OS9: variants seen among roughly 807,000 people sequenced by gnomAD.
OS9 encodes OS9 endoplasmic reticulum lectin.
In OS9, 58 loss-of-function variants were observed where a neutral mutation model predicts 84.7. The observed-to-expected ratio is 0.68, with a 90% CI of 0.55 to 0.85. The LOEUF (loss-of-function observed/expected upper bound fraction) is 0.85. Among genes scored for constraint, OS9 ranks in the 40% least tolerant of loss-of-function variants. OS9 has a pLI of 0.00. For missense variants in OS9, 760 were observed against 850.9 expected (o/e 0.89, Z 1.33); for synonymous variants, 278 against 320.8 (o/e 0.87, Z 1.43).
At chr12:57,717,815 A>G in intron 9 of OS9, 55 bp from the exon 10 acceptor site, 2 of 1,015,668 alleles carry the variant, frequency 2.0e-6, no homozygotes, top group East Asian at 2.8e-5. Context: ...AAAAAAAAAA[A>G]AAAAGAATTT....
At chr12:57,701,942 G>A (rs1189373017) in intron 5 of OS9, among the ~76,000 whole-genome samples, 5 of 151,882 alleles carry the variant, frequency 3.3e-5, no homozygotes, top group Admixed American at 1.3e-4. Flanking sequence ...GACTACAGGC[G>A]CCTGCCACCA....
At chr12:57,715,099 C>T (rs1278508222) in intron 5 of OS9, among the ~76,000 whole-genome samples, 1 of 152,114 alleles carries the variant, frequency 6.6e-6, no homozygotes, top group Non-Finnish European at 1.5e-5. Flanking sequence ...CCTTGTGGCT[C>T]ATGCCTGTAA....
intron 11 of OS9, among the ~76,000 whole-genome samples, 168 bp downstream of exon 11, chr12:57,718,589 G>A (rs1954582147): frequency 1.3e-5 from 2 of 152,174 alleles, no homozygotes; most frequent in Admixed American, 1.3e-4. Flanking sequence ...AGGGGGACCA[G>A]AGAGAGGGAC....
chr12:57,694,554 C>T lies in OS9; in HGVS notation c.163-196C>T, dbSNP rs543423434. Among the ~76,000 whole-genome samples, 21 of 152,212 alleles carry T rather than the reference C, an allele frequency of 1.4e-4. No homozygotes were observed. The East Asian group carries it at 4.1e-3, about 29-fold the overall frequency. ...CAACCTTCAGGTCTCAGTTTATGAT[C>T]GAAACACCCGGACTCCGCCCCCGTG... On this transcript the variant is annotated intron_variant, in intron 1 of 14. Coordinates refer to ENST00000315970, the MANE Select transcript of OS9 (RefSeq NM_006812.4).
rs532016389 is a variant in OS9, at chr12:57,718,052, C to T, written c.1134+94C>T. On this transcript the variant is annotated intron_variant, in intron 10 of 14. Transcript: ENST00000315970. Reference sequence around the variant, plus strand: ...ACCTGGGACTCAACTCCTGGGTCCCCCAGTACCACACACCTGCTACTGTTT... The same window carrying T: ...ACCTGGGACTCAACTCCTGGGTCCCTCAGTACCACACACCTGCTACTGTTT... 4 of 1,512,458 alleles carry T rather than the reference C, an allele frequency of 2.6e-6. No homozygotes were observed. In the East Asian group the frequency reaches 9.1e-5, roughly 34 times the overall value. The allele number at this position is 1,512,458 out of a possible 1,614,324, so 93.7% of individuals were successfully genotyped here.
At chr12:57,706,663 T>C (rs1156556740) in intron 5 of OS9, among the ~76,000 whole-genome samples, 6 of 151,796 alleles carry the variant, frequency 4.0e-5, no homozygotes, top group Non-Finnish European at 1.5e-5. Flanking sequence ...CTGAGCAACA[T>C]AGTGAGACTC....
Position 57,694,724 on chromosome 12 carries a change from C to T in OS9, c.163-26C>T, listed in dbSNP as rs375859402. 6 of 1,610,594 alleles carry T rather than the reference C, an allele frequency of 3.7e-6. No homozygotes were observed. In the African/African-American group the frequency reaches 4.0e-5, roughly 11 times the overall value. On this transcript the variant is annotated intron_variant, in intron 1 of 14. Transcript: ENST00000315970. ...ATCCCAGCCTTTCTTTGCTTCCTTG[C>T]CCCCCGACCCTCCCTTCTTTCCCAG...
At position 57,716,086 on chromosome 12, in the gene OS9, C is replaced by T. The variant is rs771844347; in HGVS notation, c.791-6C>T. ...CCTGGCCTGCTTGCATGCTGTTTCTCAGTAGACTCAAAGCAGTATGGAGAT... is the reference window on the plus strand; with the variant it reads ...CCTGGCCTGCTTGCATGCTGTTTCTTAGTAGACTCAAAGCAGTATGGAGAT... On this transcript the variant is annotated splice_polypyrimidine_tract_variant and splice_region_variant and intron_variant, in intron 6 of 14. Coordinates refer to ENST00000315970, the MANE Select transcript of OS9 (RefSeq NM_006812.4). 3.7e-6 allele frequency: 6 copies of T among 1,611,882 alleles called. No individual in the cohort carries two copies. The highest frequency in any genetic ancestry group is 3.4e-6 in the Non-Finnish European group (4 of 1,178,112).
chr12:57,709,787 CTT>C (rs1954274317), intron 5 of OS9, among the ~76,000 whole-genome samples: 1 of 151,128 alleles, frequency 6.6e-6, no homozygotes, highest in Non-Finnish European at 1.5e-5. Flanking sequence ...GTTGCACCAA[CTT>C]TGCATTCCTG....
In OS9 at chr12:57,715,903, G is replaced by T; in HGVS notation, c.723G>T (p.Pro241=). ...TCCGGCCCCCACCCAGTGCTGCACC[G>T]CAGGCCATCCTCTGTCACCCTTCCC... The part of the protein sequence containing the change: ...PLLRPPPSAA[P]QAILCHPSLQ... The change falls in exon 6 of 15, where the codon CCG becomes CCT. Residue 241 remains proline (P), a synonymous_variant. Transcript: ENST00000315970. The T allele has an allele frequency of 6.2e-7, 1 of 1,613,138 alleles. No individual in the cohort carries two copies. Among genetic ancestry groups the T allele is most frequent in the Non-Finnish European group, 8.5e-7 (1 of 1,179,592 alleles).
intron 5 of OS9, among the ~76,000 whole-genome samples, chr12:57,709,501 CT>C (rs943183162): frequency 2.0e-5 from 3 of 152,082 alleles, no homozygotes; most frequent in African/African-American, 7.2e-5. Context: ...GTCAGTGATT[CT>C]TTTGGTGATT....
chr12:57,715,711 G>C (rs768456278), intron 5 of OS9, 49 bp from the exon 6 acceptor site: 1 of 1,390,590 alleles, frequency 7.2e-7, no homozygotes, highest in Non-Finnish European at 1.0e-6. Flanking sequence ...AATAACTAAA[G>C]CAAATTATTG....
chr12:57,694,391 G>A, intron 1 of OS9, 68 bp downstream of exon 1: 2 of 1,535,450 alleles, frequency 1.3e-6, no homozygotes, highest in Non-Finnish European at 1.8e-6. Flanking sequence ...AGGAAGAAGG[G>A]CAGCTCCGGA....
chr12:57,697,903 AAG>A lies in OS9; in HGVS notation c.579+1531_579+1532del, dbSNP rs1445711679. 5.9e-3 allele frequency among the ~76,000 whole-genome samples: 308 copies of A among 52,236 alleles called. 8 individuals are homozygous for A. The highest frequency in any genetic ancestry group is 0.011 in the Middle Eastern group (1 of 90). The allele number at this position is 52,236 out of a possible 152,430, so 34.3% of individuals were successfully genotyped here. A position where few individuals can be genotyped will look rare whatever the true frequency, so the allele number is the denominator to read the frequency against. ...CACACACACACACGGAACCTAACAT[AAG>A]CAAACACACACACACACATACACAC... On this transcript the variant is annotated intron_variant, in intron 5 of 14. Transcript: ENST00000315970.
At chr12:57,709,992 A>T (rs1954281517) in intron 5 of OS9, among the ~76,000 whole-genome samples, 1 of 152,102 alleles carries the variant, frequency 6.6e-6, no homozygotes, top group Admixed American at 6.5e-5. Context: ...AGCTGGAATT[A>T]TAGGCGTGTG....
In OS9 at chr12:57,694,786, T is replaced by C. The variant is rs1266251155; in HGVS notation, c.199T>C (p.Tyr67His). 1 of 1,614,030 alleles carries C rather than the reference T, an allele frequency of 6.2e-7. No homozygotes were observed. Residue 67 changes from tyrosine (Y) to histidine (H), a missense_variant, in exon 2 of 15, where the codon TAC (tyrosine) becomes CAC (histidine). Tyr to His is a moderately conservative substitution (Grantham distance 83). Transcript: ENST00000315970. Reference sequence around the variant, plus strand: ...GGACGTGGTGATTGTCTCCTCTAAGTACAAACAGCGCTATGAGTGTCGCCT... The same window carrying C: ...GGACGTGGTGATTGTCTCCTCTAAGCACAAACAGCGCTATGAGTGTCGCCT... ...SSDVVIVSSKYKQRYECRLPA... is the reference protein window; with the variant it reads ...SSDVVIVSSKHKQRYECRLPA...
At chr12:57,697,890 C>CAT (rs1555192590) in intron 5 of OS9, among the ~76,000 whole-genome samples, 1 of 128,842 alleles carries the variant, frequency 7.8e-6, no homozygotes, top group African/African-American at 2.9e-5. Context: ...CACACACACA[C>CAT]GGAACCTAAC....
At chr12:57,716,655 G>A (rs1954508111) in intron 8 of OS9, 38 bp from the exon 9 acceptor site, 1 of 1,605,022 alleles carries the variant, frequency 6.2e-7, no homozygotes, top group Non-Finnish European at 8.5e-7. Context: ...GGCATGAACA[G>A]GCTTTCATAC....
chr12:57,697,862 A>AACACACACAC (rs71084786), intron 5 of OS9, among the ~76,000 whole-genome samples: 1,300 of 116,442 alleles, frequency 0.011, 42 homozygotes, highest in African/African-American at 0.031. Flanking sequence ...AACATAAGCA[A>AACACACACAC]ACACACACAC....
Sources: gnomAD v4.1 joint callset for allele counts (sites outside exome capture counted in the v4.1 genomes callset) on GRCh38, gnomAD v4.1.1 for gene constraint, MANE v1.5 for transcripts, NCBI Gene and HGNC (gene_info 2026-07-23, HGNC 2026-07-21) for gene names.